GALNTL6: variants seen among roughly 807,000 people sequenced by gnomAD.
GALNTL6 encodes polypeptide N-acetylgalactosaminyltransferase-like 6.
In GALNTL6, 46 loss-of-function variants were observed where a neutral mutation model predicts 73.7. The observed-to-expected ratio is 0.62, with a 90% confidence interval of 0.49 to 0.80. The LOEUF (loss-of-function observed/expected upper bound fraction) is 0.80. GALNTL6 is among the 30% of genes least tolerant of loss of function. GALNTL6 has a pLI of 0.00. For missense variants in GALNTL6, 604 were observed against 755.0 expected, an observed-to-expected ratio of 0.80 and a Z score of 2.34; for synonymous variants, 259 against 263.7, an observed-to-expected ratio of 0.98 and a Z score of 0.17.
intron 2 of GALNTL6, among the ~76,000 whole-genome samples, chr4:172,155,011 T>G (rs1350255874): frequency 6.6e-6 from 1 of 152,056 alleles, no homozygotes; most frequent in African/African-American, 2.4e-5. Context: ...CTTTTTTTTT[T>G]TTTTGAGACG....
intron 12 of GALNTL6, among the ~76,000 whole-genome samples, chr4:173,035,180 CTTTTTT>C (rs5864181): frequency 7.3e-6 from 1 of 136,642 alleles, no homozygotes; most frequent in Non-Finnish European, 1.6e-5. Flanking sequence ...GTGCCATGCT[CTTTTTT>C]TTTTTTTTTG....
At chr4:172,283,903 AC>A (rs1739156681) in intron 3 of GALNTL6, among the ~76,000 whole-genome samples, 1 of 152,164 alleles carries the variant, frequency 6.6e-6, no homozygotes, top group African/African-American at 2.4e-5. Context: ...ATTTATAGTG[AC>A]TAAAATGTGA....
chr4:172,295,671 C>T (rs1326590406), intron 3 of GALNTL6, among the ~76,000 whole-genome samples: 1 of 146,712 alleles, frequency 6.8e-6, no homozygotes, highest in Non-Finnish European at 1.5e-5. Context: ...GTGCATTTTT[C>T]AAATACATTT....
At chr4:172,499,339 A>T (rs540075231) in intron 5 of GALNTL6, among the ~76,000 whole-genome samples, 19 of 152,288 alleles carry the variant, frequency 1.2e-4, no homozygotes, top group African/African-American at 4.3e-4. Context: ...CCATGTCAAG[A>T]TACAGCAAAA....
chr4:172,943,418 T>G (rs1161873777), intron 9 of GALNTL6, among the ~76,000 whole-genome samples: 1 of 152,262 alleles, frequency 6.6e-6, no homozygotes, highest in Non-Finnish European at 1.5e-5. Context: ...CAGCCTATTT[T>G]ATTCCCAAGT....
At chr4:172,600,150 A>G (rs1057155563) in intron 5 of GALNTL6, among the ~76,000 whole-genome samples, 2 of 152,124 alleles carry the variant, frequency 1.3e-5, no homozygotes, top group Admixed American at 1.3e-4. Context: ...GGGAATAGCA[A>G]ATAGTTGTAA....
chr4:172,401,829 G>A (rs1209031910), intron 5 of GALNTL6, among the ~76,000 whole-genome samples: 1 of 151,102 alleles, frequency 6.6e-6, no homozygotes, highest in Non-Finnish European at 1.5e-5. Context: ...ATTTGTCGTG[G>A]TAAAATCCAG....
At chr4:172,654,552 T>C (rs553616354) in intron 5 of GALNTL6, among the ~76,000 whole-genome samples, 1 of 152,316 alleles carries the variant, frequency 6.6e-6, no homozygotes, top group Non-Finnish European at 1.5e-5. Context: ...AAATTTCCCT[T>C]GGTGAATCTC....
intron 10 of GALNTL6, among the ~76,000 whole-genome samples, chr4:172,998,709 A>G (rs1579761693): frequency 2.0e-5 from 3 of 152,178 alleles, no homozygotes; most frequent in African/African-American, 7.2e-5. Flanking sequence ...TTGACACTGC[A>G]GCTCACCCCT....
At chr4:172,845,841 T>C (rs1197619551) in intron 7 of GALNTL6, among the ~76,000 whole-genome samples, 1 of 152,188 alleles carries the variant, frequency 6.6e-6, no homozygotes, top group African/African-American at 2.4e-5. Context: ...TAATTACCTG[T>C]AGGAATGCAA....
At chr4:172,338,078 A>T (rs1330395031) in intron 4 of GALNTL6, among the ~76,000 whole-genome samples, 1 of 152,202 alleles carries the variant, frequency 6.6e-6, no homozygotes, top group Non-Finnish European at 1.5e-5. Flanking sequence ...AAAGTCTTCA[A>T]CTGTATTTTG....
intron 10 of GALNTL6, among the ~76,000 whole-genome samples, chr4:172,957,023 C>T (rs1561055079): frequency 6.6e-6 from 1 of 152,164 alleles, no homozygotes; most frequent in Non-Finnish European, 1.5e-5. Flanking sequence ...CCTTCTTAGA[C>T]CCTGTGGGAA....
intron 2 of GALNTL6, among the ~76,000 whole-genome samples, chr4:171,975,758 G>T (rs1739701767): frequency 6.6e-6 from 1 of 152,006 alleles, no homozygotes; most frequent in Non-Finnish European, 1.5e-5. Flanking sequence ...TTTGAAATAT[G>T]GTAAACTCAA....
At chr4:171,930,213 G>C (rs1402952518) in intron 2 of GALNTL6, among the ~76,000 whole-genome samples, 1 of 152,220 alleles carries the variant, frequency 6.6e-6, no homozygotes, top group African/African-American at 2.4e-5. Context: ...TACATGCCCA[G>C]TCCAACAATC....
chr4:172,655,231 G>T (rs1240412714), intron 5 of GALNTL6, among the ~76,000 whole-genome samples: 1 of 152,072 alleles, frequency 6.6e-6, no homozygotes, highest in Non-Finnish European at 1.5e-5. Flanking sequence ...TAACCATCCT[G>T]ATAGGTTTCA....
chr4:172,937,677 C>T (rs575193047), intron 9 of GALNTL6, among the ~76,000 whole-genome samples: 1 of 152,304 alleles, frequency 6.6e-6, no homozygotes, highest in African/African-American at 2.4e-5. Context: ...ATCTCAATTC[C>T]TCTTAATAAA....
At chr4:172,335,051 G>A (rs1741264561) in intron 4 of GALNTL6, among the ~76,000 whole-genome samples, 1 of 148,716 alleles carries the variant, frequency 6.7e-6, no homozygotes, top group East Asian at 2.0e-4. Context: ...CACGATCTCT[G>A]CCCACTGCAA....
intron 2 of GALNTL6, among the ~76,000 whole-genome samples, chr4:172,202,746 G>C (rs1735997023): frequency 1.3e-5 from 2 of 152,110 alleles, no homozygotes; most frequent in Non-Finnish European, 2.9e-5. Context: ...CCATTTTCTT[G>C]ATGTAATGAA....
At chr4:172,615,606 G>A (rs906429035) in intron 5 of GALNTL6, among the ~76,000 whole-genome samples, 3 of 152,038 alleles carry the variant, frequency 2.0e-5, no homozygotes, top group Non-Finnish European at 2.9e-5. Flanking sequence ...TTATTACACT[G>A]CTCTTCACAA....
Sources: allele counts gnomAD v4.1 joint callset (sites outside exome capture counted in the v4.1 genomes callset), GRCh38; gene constraint gnomAD v4.1.1; transcripts MANE v1.5; gene names NCBI Gene and HGNC (gene_info 2026-07-23, HGNC 2026-07-21).